Variants in MAGI2 observed in about 807,000 individuals in gnomAD.
The protein encoded by MAGI2 is membrane associated guanylate kinase, WW and PDZ domain containing 2.
MAGI2 carries 35 observed loss-of-function variants against 133.3 expected under a neutral mutation model. That is an observed-to-expected ratio of 0.26 (90% CI 0.20 to 0.35). The LOEUF (loss-of-function observed/expected upper bound fraction) is 0.35. Ranked by LOEUF, MAGI2 falls within the 10% of genes least tolerant of loss-of-function variation. MAGI2 has a pLI of 1.00. For synonymous variants in MAGI2, 729 were observed against 710.6 expected, an observed-to-expected ratio of 1.03 and a Z score of -0.41; for missense variants, 1,636 against 1,863.4, an observed-to-expected ratio of 0.88 and a Z score of 2.25.
intron 6 of MAGI2, among the ~76,000 whole-genome samples, 159 bp from the exon 7 acceptor site, chr7:78,369,372 A>C (rs1024826452): frequency 1.3e-5 from 2 of 152,116 alleles, no homozygotes; most frequent in Admixed American, 6.5e-5. Context: ...TAGAAACTAT[A>C]AGAGGCACTG....
chr7:78,813,523 C>T (rs934000266), intron 2 of MAGI2, among the ~76,000 whole-genome samples: 1 of 152,102 alleles, frequency 6.6e-6, no homozygotes, highest in Non-Finnish European at 1.5e-5. Context: ...CGATGGCTCA[C>T]GCCTGTAATC....
intron 10 of MAGI2, among the ~76,000 whole-genome samples, chr7:78,227,850 TTGTGTG>T (rs3085614): frequency 0.12 from 16,751 of 145,582 alleles, 1,134 homozygotes; most frequent in African/African-American, 0.19. Flanking sequence ...TCTTACTCAG[TTGTGTG>T]TGTGTGTGTG....
chr7:78,695,209 A>G (rs1817382657), intron 2 of MAGI2, among the ~76,000 whole-genome samples: 1 of 152,178 alleles, frequency 6.6e-6, no homozygotes, highest in Non-Finnish European at 1.5e-5. Context: ...TGGGCGACAG[A>G]GCGAGACTCT....
intron 3 of MAGI2, among the ~76,000 whole-genome samples, chr7:78,565,117 T>C (rs1800815001): frequency 6.6e-6 from 1 of 151,732 alleles, no homozygotes; most frequent in Non-Finnish European, 1.5e-5. Context: ...TCTTCAACAA[T>C]AAAATGGTTA....
intron 4 of MAGI2, among the ~76,000 whole-genome samples, chr7:78,516,232 C>T (rs568740580): frequency 1.6e-4 from 24 of 152,260 alleles, no homozygotes; most frequent in African/African-American, 4.8e-4. Context: ...AATGGGAGCC[C>T]GTGCTAACAG....
At chr7:79,427,974 A>T (rs991338783) in intron 1 of MAGI2, among the ~76,000 whole-genome samples, 2 of 152,190 alleles carry the variant, frequency 1.3e-5, no homozygotes, top group African/African-American at 4.8e-5. Flanking sequence ...AATTAAGCAG[A>T]TTAAGGAGTC....
intron 1 of MAGI2, among the ~76,000 whole-genome samples, chr7:79,294,822 C>G (rs1250105420): frequency 1.3e-5 from 2 of 149,632 alleles, no homozygotes; most frequent in Non-Finnish European, 3.0e-5. Context: ...CTCCGCCTCC[C>G]GGGTTCACGC....
chr7:78,961,958 G>C (rs908598273), intron 2 of MAGI2, among the ~76,000 whole-genome samples: 1 of 151,744 alleles, frequency 6.6e-6, no homozygotes, highest in Non-Finnish European at 1.5e-5. Flanking sequence ...AACTTATACA[G>C]TATGTTACTG....
rs143923958 is a variant in MAGI2 at position 79,316,020 on chromosome 7, C to T, written c.301+137000G>A. Among the ~76,000 whole-genome samples, 61 of 152,050 alleles carry T rather than the reference C, an allele frequency of 4.0e-4. No homozygotes were observed. In the East Asian group the frequency reaches 0.011, roughly 28 times the overall value. Reference sequence around the variant, plus strand: ...CTCCTGTGAGCCTTGATTTCCTCAACCATAAAATGAGAATCATAACACTCA... The same window carrying T: ...CTCCTGTGAGCCTTGATTTCCTCAATCATAAAATGAGAATCATAACACTCA... On this transcript the variant is annotated intron_variant, in intron 1 of 21. Transcript: ENST00000354212.
intron 14 of MAGI2, among the ~76,000 whole-genome samples, chr7:78,175,519 A>G: frequency 6.6e-6 from 1 of 152,094 alleles, no homozygotes; most frequent in East Asian, 1.9e-4. Context: ...TAAGTGATAA[A>G]TCCACTTCAC....
chr7:78,170,179 A>T (rs976757857), intron 14 of MAGI2: 8 of 152,334 alleles, frequency 5.3e-5, no homozygotes, highest in Middle Eastern at 3.4e-3. Flanking sequence ...TATAGCTCTG[A>T]TTCTAACTGA....
intron 14 of MAGI2, among the ~76,000 whole-genome samples, chr7:78,176,138 G>A (rs1240357435): frequency 6.6e-6 from 1 of 152,132 alleles, no homozygotes; most frequent in Non-Finnish European, 1.5e-5. Context: ...GTGAATGGGA[G>A]TAAAACACAG....
chr7:79,330,113 C>T (rs1358335883), intron 1 of MAGI2, among the ~76,000 whole-genome samples: 1 of 147,672 alleles, frequency 6.8e-6, no homozygotes, highest in Non-Finnish European at 1.5e-5. Context: ...ACAAACTAAA[C>T]GTGCCATGAA....
intron 3 of MAGI2, among the ~76,000 whole-genome samples, chr7:78,565,957 C>T (rs946534029): frequency 7.9e-5 from 12 of 152,092 alleles, no homozygotes; most frequent in Non-Finnish European, 1.3e-4. Flanking sequence ...TCGGTTTAGT[C>T]ATCTGTAAAA....
intron 1 of MAGI2, among the ~76,000 whole-genome samples, chr7:79,236,381 T>C (rs1276479792): frequency 6.6e-6 from 1 of 152,130 alleles, no homozygotes; most frequent in Non-Finnish European, 1.5e-5. Context: ...GGAATCACAG[T>C]AAGGAAGTCA....
At chr7:79,067,340 G>A (rs371986245) in intron 1 of MAGI2, among the ~76,000 whole-genome samples, 19 of 151,928 alleles carry the variant, frequency 1.3e-4, no homozygotes, top group African/African-American at 3.9e-4. Context: ...AGTTGTATTC[G>A]TAGGTATTTT....
chr7:79,119,457 T>C (rs1171166731), intron 1 of MAGI2, among the ~76,000 whole-genome samples: 1 of 152,106 alleles, frequency 6.6e-6, no homozygotes, highest in Non-Finnish European at 1.5e-5. Context: ...GATTGTAAAT[T>C]TGTTCAGATG....
At chr7:78,946,587 C>T (rs1462966902) in intron 2 of MAGI2, 1 of 152,122 alleles carries the variant, frequency 6.6e-6, no homozygotes, top group African/African-American at 2.4e-5. Context: ...GCAGCCTAAA[C>T]TTGTCTTTCT....
intron 2 of MAGI2, among the ~76,000 whole-genome samples, chr7:78,764,853 G>A (rs1389826865): frequency 6.6e-6 from 1 of 152,084 alleles, no homozygotes; most frequent in African/African-American, 2.4e-5. Flanking sequence ...TGATAATTTT[G>A]CTCAAAATGC....
Sources: allele counts gnomAD v4.1 joint callset (sites outside exome capture counted in the v4.1 genomes callset), GRCh38; gene constraint gnomAD v4.1.1; transcripts MANE v1.5; gene names NCBI Gene and HGNC (gene_info 2026-07-23, HGNC 2026-07-21).